The following USO1 variants were observed in gnomAD, a reference collection of about 807,000 sequenced individuals.
USO1 encodes the protein USO1 vesicle transport factor, also known as general vesicular transport factor p115.
Under a neutral mutation model 124.5 loss-of-function variants are expected in USO1, and 57 were observed. That is an observed-to-expected ratio of 0.46 (90% CI 0.37 to 0.57). The LOEUF is 0.57. Ranked by LOEUF, USO1 falls within the 20% of genes least tolerant of loss-of-function variation. The probability of loss-of-function intolerance (pLI) is 0.00; values close to 1 mark genes in which losing one functional copy is unlikely to be tolerated. For synonymous variants in USO1, 369 were observed against 362.8 expected, an observed-to-expected ratio of 1.02 and a Z score of -0.19; for missense variants, 900 against 1,040.6, an observed-to-expected ratio of 0.86 and a Z score of 1.86.
chr4:75,796,578 A>C (rs1387953626), intron 13 of USO1, among the ~76,000 whole-genome samples: 4 of 152,002 alleles, frequency 2.6e-5, no homozygotes, highest in Non-Finnish European at 2.9e-5. Context: ...ATCGCAGGTG[A>C]TCCACCCACC....
chr4:75,803,898 CTA>C (rs954438160), intron 17 of USO1, among the ~76,000 whole-genome samples: 1 of 152,058 alleles, frequency 6.6e-6, no homozygotes, highest in African/African-American at 2.4e-5. Flanking sequence ...TAATTGCAGG[CTA>C]TGCCATGATG....
At chr4:75,813,117 A>C in intron 23 of USO1, 89 bp from the exon 24 acceptor site, 1 of 1,366,810 alleles carries the variant, frequency 7.3e-7, no homozygotes, top group Non-Finnish European at 9.5e-7. Context: ...ATCTCAGAAA[A>C]AAAAAAAATT....
intron 1 of USO1, chr4:75,730,097 A>T (rs143252040): frequency 8.8e-6 from 2 of 227,570 alleles, no homozygotes; most frequent in Non-Finnish European, 1.8e-5. Flanking sequence ...AGAGAACTGT[A>T]ATAATGATTT....
chr4:75,754,338 C>T (rs181847596), intron 3 of USO1, among the ~76,000 whole-genome samples: 50 of 152,274 alleles, frequency 3.3e-4, no homozygotes, highest in Admixed American at 1.2e-3. Flanking sequence ...CCACCTCAGC[C>T]TCCCAAAGTG....
At position 75,813,269 on chromosome 4, in the gene USO1, C is replaced by T. The variant is rs772182460; in HGVS notation, c.2863C>T (p.Pro955Ser). The T allele has an allele frequency of 1.9e-5, 30 of 1,610,742 alleles. No homozygotes were observed. The highest frequency in any genetic ancestry group is 2.4e-5 in the Non-Finnish European group (28 of 1,178,772). The change falls in exon 24 of 24, where the codon CCT becomes TCT. Residue 955 changes from proline to serine, a missense_variant. Transcript: ENST00000514213. ...GGATGAGGATGATGAAAGTGAAGAT[C>T]CTGGCAAGGATCTAGATCATATCTA... ...QEDEDDESED[P>S]GKDLDHI is the part of the protein sequence containing the mutation.
chr4:75,766,465 AAG>A (rs1002742387), intron 4 of USO1, among the ~76,000 whole-genome samples: 1 of 152,188 alleles, frequency 6.6e-6, no homozygotes, highest in African/African-American at 2.4e-5. Flanking sequence ...TTGTCACAGT[AAG>A]AGGAAGTAAG....
At chr4:75,740,686 G>T (rs1416991135) in intron 1 of USO1, among the ~76,000 whole-genome samples, 1 of 152,180 alleles carries the variant, frequency 6.6e-6, no homozygotes, top group Non-Finnish European at 1.5e-5. Context: ...CATAAACCAG[G>T]TGAATAGTCA....
At chr4:75,781,700 ACT>A (rs1366441201) in intron 8 of USO1, among the ~76,000 whole-genome samples, 3 of 151,890 alleles carry the variant, frequency 2.0e-5, no homozygotes, top group East Asian at 3.9e-4. Context: ...GTGTAGAGAA[ACT>A]CTATTTGTAC....
chr4:75,756,698 G>T (rs934926604), intron 3 of USO1, among the ~76,000 whole-genome samples: 12 of 151,626 alleles, frequency 7.9e-5, no homozygotes, highest in African/African-American at 2.7e-4. Context: ...TAGAGACGGG[G>T]TTTCTCCGTC....
At chr4:75,779,636 G>A (rs546235696) in intron 8 of USO1, among the ~76,000 whole-genome samples, 2 of 152,308 alleles carry the variant, frequency 1.3e-5, no homozygotes, top group Admixed American at 6.5e-5. Flanking sequence ...TGAGAGAGGT[G>A]AACAAGCTGC....
intron 4 of USO1, among the ~76,000 whole-genome samples, chr4:75,766,036 C>G (rs1008545645): frequency 6.6e-6 from 1 of 152,074 alleles, no homozygotes; most frequent in Non-Finnish European, 1.5e-5. Flanking sequence ...GTGACTGCTT[C>G]CCGATATAAT....
At chr4:75,751,345 G>A (rs1284559520) in intron 1 of USO1, among the ~76,000 whole-genome samples, 3 of 150,266 alleles carry the variant, frequency 2.0e-5, no homozygotes, top group African/African-American at 7.3e-5. Flanking sequence ...CCAAGTAGCT[G>A]GGACTACAGA....
At position 75,730,577 on chromosome 4, in the gene USO1, C is replaced by T. The variant is rs79079564; in HGVS notation, c.66+5692C>T. On this transcript the variant is annotated intron_variant, in intron 1 of 23. Transcript: ENST00000514213. ...TTATTTTCCTTTATTTCATTAAAAA[C>T]ATTACTCTTGAATCTGATTAGGAAA... is the stretch of plus-strand genomic sequence containing the variant. Among the ~76,000 whole-genome samples the T allele has an allele frequency of 7.5e-3, 1,139 of 151,950 alleles. 22 individuals are homozygous for T. The highest frequency in any genetic ancestry group is 0.026 in the African/African-American group (1,096 of 41,400).
Position 75,799,745 on chromosome 4 carries a change from T to C in USO1, c.1563+13T>C, listed in dbSNP as rs770739204. 9 of 1,612,678 alleles carry C rather than the reference T, an allele frequency of 5.6e-6. No homozygotes were observed. The Admixed American group carries it at 1.2e-4, about 21-fold the overall frequency. ...CAATGTTCCATTTGTATCCTTTATG[T>C]TTTAGTAACGTACATGTAAGTATTT... On this transcript the variant is annotated intron_variant, in intron 14 of 23. Coordinates refer to ENST00000514213, the MANE Select transcript of USO1 (RefSeq NM_003715.4).
At chr4:75,802,101 C>T (rs770617183) in intron 17 of USO1, among the ~76,000 whole-genome samples, 1 of 152,202 alleles carries the variant, frequency 6.6e-6, no homozygotes, top group Admixed American at 6.5e-5. Context: ...GGATTATAGG[C>T]ATAAGCCAGC....
chr4:75,800,533 T>TTTG, intron 15 of USO1, 64 bp downstream of exon 15: 4 of 1,520,906 alleles, frequency 2.6e-6, no homozygotes, highest in Non-Finnish European at 3.5e-6. Context: ...TTTTTTTTTT[T>TTTG]GCCAAAGCAT....
At chr4:75,734,251 G>A (rs529073178) in intron 1 of USO1, among the ~76,000 whole-genome samples, 5 of 151,732 alleles carry the variant, frequency 3.3e-5, no homozygotes, top group South Asian at 4.2e-4. Flanking sequence ...GCCTCTTCTC[G>A]GCTTTTTATA....
At chr4:75,803,447 A>T (rs1722910045) in intron 17 of USO1, among the ~76,000 whole-genome samples, 1 of 152,090 alleles carries the variant, frequency 6.6e-6, no homozygotes, top group South Asian at 2.1e-4. Context: ...CAGGAGTTTG[A>T]GACCAGCCTG....
chr4:75,736,307 C>CTTTTTTTTTTT (rs775201813), intron 1 of USO1, among the ~76,000 whole-genome samples: 1 of 63,282 alleles, frequency 1.6e-5, no homozygotes. Flanking sequence ...TACAGCTTAC[C>CTTTTTTTTTTT]TTTTTTTTTT....
Sources: gnomAD v4.1 joint callset for allele counts (sites outside exome capture counted in the v4.1 genomes callset) on GRCh38, gnomAD v4.1.1 for gene constraint, MANE v1.5 for transcripts, NCBI Gene and HGNC (gene_info 2026-07-23, HGNC 2026-07-21) for gene names.